The following DOT1L variants were observed in gnomAD, a reference collection of about 807,000 sequenced individuals.
DOT1L encodes the protein DOT1 like histone lysine methyltransferase, also known as histone-lysine N-methyltransferase, H3 lysine-79 specific.
Under a neutral mutation model 153.3 loss-of-function variants are expected in DOT1L, and 33 were observed. The ratio of observed to expected loss-of-function variants is 0.22; its 90% CI spans 0.16 to 0.29. DOT1L has a LOEUF of 0.29. DOT1L is among the 10% of genes least tolerant of loss of function. DOT1L has a pLI of 1.00. For missense variants in DOT1L, 1,847 were observed against 2,119.9 expected (o/e 0.87, Z 2.53); for synonymous variants, 1,135 against 965.1 (o/e 1.18, Z -3.26).
intron 15 of DOT1L, 146 bp from the exon 16 acceptor site, chr19:2,211,604 TG>T: frequency 1.4e-6 from 1 of 691,186 alleles, no homozygotes; most frequent in Non-Finnish European, 2.4e-6. Context: ...GCGTGTGGCA[TG>T]GGCCCCGCCA....
rs1382099350 is a variant in DOT1L, at chr19:2,222,337, C to G, written c.3168C>G (p.Ala1056=). The change falls in exon 24 of 28, where the codon GCC becomes GCG. Residue 1056 remains alanine, a synonymous_variant. Transcript: ENST00000398665. This position sits in a 1 kb window ranked among gnomAD's most constrained non-coding sequence, Gnocchi z 6.5. ...CCATCACCACTGGTGCGGGCAGTGC[C>G]AAGCAGTCGCCCTCCAGCAAGCACA... The part of the protein sequence containing the change: ...VFTITTGAGS[A]KQSPSSKHSP... 3 of 1,612,694 alleles carry G rather than the reference C, an allele frequency of 1.9e-6. No homozygotes were observed. Among genetic ancestry groups the G allele is most frequent in the Non-Finnish European group, 1.7e-6 (2 of 1,179,866 alleles).
At chr19:2,195,322 G>C (rs1383288843) in intron 7 of DOT1L, among the ~76,000 whole-genome samples, 1 of 152,158 alleles carries the variant, frequency 6.6e-6, no homozygotes, top group Non-Finnish European at 1.5e-5. Context: ...TTTCCACACA[G>C]AGGCCTGCAG....
chr19:2,220,426 G>T lies in DOT1L; in HGVS notation c.2806+204G>T. On this transcript the variant is annotated intron_variant, in intron 23 of 27. Transcript: ENST00000398665. The surrounding 1 kb of genome is among the most constrained non-coding windows in gnomAD (Gnocchi z 4.5). Reference sequence around the variant, plus strand: ...GATCGGGCTCAGCTGCAGCCATCTCGGCCTCATACCTGGGTCTCCCGACAC... The same window carrying T: ...GATCGGGCTCAGCTGCAGCCATCTCTGCCTCATACCTGGGTCTCCCGACAC... 1.5e-6 allele frequency: 1 copy of T among 678,316 alleles called. No homozygotes were observed. Among genetic ancestry groups the T allele is most frequent in the Non-Finnish European group, 2.7e-6 (1 of 370,894 alleles). The allele number at this position is 678,316 out of a possible 1,614,324, so 42.0% of individuals were successfully genotyped here. A position where few individuals can be genotyped will look rare whatever the true frequency, so the allele number is the denominator to read the frequency against.
rs1243586395 is a variant in DOT1L at position 2,208,380 on chromosome 19, A to C, written c.964-555A>C. Among the ~76,000 whole-genome samples, 6 of 152,016 alleles carry C rather than the reference A, an allele frequency of 3.9e-5. No individual in the cohort carries two copies. Among genetic ancestry groups the C allele is most frequent in the Admixed American group, 3.9e-4 (6 of 15,262 alleles). On this transcript the variant is annotated intron_variant, in intron 11 of 27. Transcript: ENST00000398665. The surrounding 1 kb of genome is among the most constrained non-coding windows in gnomAD (Gnocchi z 4.4). ...TCACTGTCCAGTGCTCGGAGCCTCC[A>C]CTAGAGCCTGCCTGGGGAGCGCTGG...
At chr19:2,212,016 G>T (rs1599596022) in intron 16 of DOT1L, 174 bp downstream of exon 16, 2 of 609,176 alleles carry the variant, frequency 3.3e-6, no homozygotes, top group Non-Finnish European at 2.8e-6. Context: ...AGAATGGACT[G>T]AGAGACCCGG....
chr19:2,169,109 A>G (rs2020033241), intron 1 of DOT1L, among the ~76,000 whole-genome samples: 1 of 152,012 alleles, frequency 6.6e-6, no homozygotes. Flanking sequence ...ACTCTCATTA[A>G]TGAGTGAGTA....
At chr19:2,205,611 C>T (rs1172539519) in intron 9 of DOT1L, among the ~76,000 whole-genome samples, 1 of 152,186 alleles carries the variant, frequency 6.6e-6, no homozygotes, top group Non-Finnish European at 1.5e-5. Context: ...ATGACTGTTT[C>T]CAGTTTGCAT....
chr19:2,231,700 C>G lies in DOT1L; in HGVS notation c.*1908C>G, dbSNP rs1036994031. ...CAGCCTGCTCTGTGTCGCCACGGGC[C>G]GGATACGCCACAGGGTTGATGGCAG... On this transcript the variant is annotated 3_prime_UTR_variant, in exon 28 of 28. Coordinates refer to ENST00000398665, the MANE Select transcript of DOT1L (RefSeq NM_032482.3). 4.7e-6 allele frequency: 1 copy of G among 213,658 alleles called. No homozygotes were observed. Among genetic ancestry groups the G allele is most frequent in the African/African-American group, 2.3e-5 (1 of 44,058 alleles). The allele number at this position is 213,658 out of a possible 1,614,324, so 13.2% of individuals were successfully genotyped here.
Position 2,222,877 on chromosome 19 carries a change from G to A in DOT1L, c.3390+318G>A. 7.3e-6 allele frequency: 3 copies of A among 409,490 alleles called. No homozygotes were observed. Among genetic ancestry groups the A allele is most frequent in the Non-Finnish European group, 1.3e-5 (3 of 230,406 alleles). The allele number at this position is 409,490 out of a possible 1,614,324, so 25.4% of individuals were successfully genotyped here. Reference sequence around the variant, plus strand: ...GCCACAGAGCGAGACTCCCTCTCGGGGGGACAAAAAAAAACACAAAAAAAA... The same window carrying A: ...GCCACAGAGCGAGACTCCCTCTCGGAGGGACAAAAAAAAACACAAAAAAAA... On this transcript the variant is annotated intron_variant, in intron 24 of 27. Transcript: ENST00000398665. This position sits in a 1 kb window ranked among gnomAD's most constrained non-coding sequence, Gnocchi z 6.5.
chr19:2,179,212 T>C (rs1358804301), intron 1 of DOT1L, among the ~76,000 whole-genome samples: 2 of 152,156 alleles, frequency 1.3e-5, no homozygotes, highest in Non-Finnish European at 2.9e-5. Context: ...ACAGATGGGG[T>C]TGCGTCCCGC....
At chr19:2,223,214 G>A in intron 24 of DOT1L, 67 bp from the exon 25 acceptor site, 1 of 1,565,692 alleles carries the variant, frequency 6.4e-7, no homozygotes, top group Middle Eastern at 1.7e-4. Context: ...CCTGGGGCGG[G>A]GGGGCTCTCC....
At chr19:2,223,691 C>T (rs1049817816) in intron 25 of DOT1L, among the ~76,000 whole-genome samples, 13 of 152,108 alleles carry the variant, frequency 8.5e-5, no homozygotes, top group African/African-American at 2.2e-4. Context: ...CCGGGCCATT[C>T]GGGGTGGGAC....
intron 3 of DOT1L, among the ~76,000 whole-genome samples, chr19:2,188,539 C>T (rs867766925): frequency 7.9e-5 from 10 of 126,544 alleles, no homozygotes; most frequent in East Asian, 2.6e-4. Flanking sequence ...ATGTGGAAGT[C>T]GGATTGTTCT....
intron 19 of DOT1L, chr19:2,214,813 C>T: frequency 3.4e-6 from 2 of 586,656 alleles, no homozygotes; most frequent in South Asian, 4.4e-5. Context: ...TCGGGGGCAT[C>T]TCGGGATTGC....
At chr19:2,218,297 T>G (rs1195754949) in intron 22 of DOT1L, among the ~76,000 whole-genome samples, 1 of 152,246 alleles carries the variant, frequency 6.6e-6, no homozygotes, top group Non-Finnish European at 1.5e-5. Context: ...AATCTCGTCT[T>G]GTGTAGCATG....
rs149704332 is a variant in DOT1L, at chr19:2,193,964, C to T, written c.588+181C>T. 4.4e-4 allele frequency among the ~76,000 whole-genome samples: 67 copies of T among 152,256 alleles called. No individual in the cohort carries two copies. The highest frequency in any genetic ancestry group is 3.4e-3 in the Middle Eastern group (1 of 294). ...TGAATAGGGTGCCCGATCGCCCTCACGGCCCATTACAGGCCGGCCCTCCAG... is the reference window on the plus strand; with the variant it reads ...TGAATAGGGTGCCCGATCGCCCTCATGGCCCATTACAGGCCGGCCCTCCAG... On this transcript the variant is annotated intron_variant, in intron 6 of 27. Coordinates refer to ENST00000398665, the MANE Select transcript of DOT1L (RefSeq NM_032482.3). This position sits in a 1 kb window ranked among gnomAD's most constrained non-coding sequence, Gnocchi z 5.9.
rs779707218 is a variant in DOT1L at position 2,213,997 on chromosome 19, C to T, written c.1797+11C>T. On this transcript the variant is annotated intron_variant, in intron 18 of 27. Transcript: ENST00000398665. ...CAGAGCTTGCAGCTGGTGGGTGCCG[C>T]GGCGCAAGGACAGGGACGTGGAACC... is the stretch of plus-strand genomic sequence containing the variant. The T allele has an allele frequency of 3.0e-5, 49 of 1,611,222 alleles. No individual in the cohort carries two copies. Among genetic ancestry groups the T allele is most frequent in the Middle Eastern group, 1.7e-4 (1 of 6,058 alleles).
chr19:2,216,253 G>A (rs748683246), intron 19 of DOT1L, 28 bp from the exon 20 acceptor site: 7 of 1,538,280 alleles, frequency 4.6e-6, no homozygotes, highest in East Asian at 2.3e-5. Context: ...CCGGTGGGGC[G>A]GGCCTGACAC....
chr19:2,217,008 G>A lies in DOT1L; in HGVS notation c.2462G>A (p.Gly821Asp). 1.2e-6 allele frequency: 2 copies of A among 1,613,150 alleles called. No homozygotes were observed. Among genetic ancestry groups the A allele is most frequent in the Non-Finnish European group, 1.7e-6 (2 of 1,179,902 alleles). The stretch of plus-strand genomic sequence containing the variant: ...CCCTACCAGAGCCCCAGCGTGCCTG[G>A]CAGCATGAAGCTGAGCCCTCAGGAC... Reference protein sequence around the residue: ...GLPYQSPSVPGSMKLSPQDPR... With the variant: ...GLPYQSPSVPDSMKLSPQDPR... The change falls in exon 21 of 28, where the codon GGC becomes GAC. Residue 821 changes from glycine (G) to aspartate (D), a missense_variant. Gly to Asp is a moderately conservative substitution (Grantham distance 94). This residue lies in a region of DOT1L where 281 missense variants were observed against 263.6 expected (regional missense o/e 1.07). Transcript: ENST00000398665. The surrounding 1 kb of genome is among the most constrained non-coding windows in gnomAD (Gnocchi z 7.3).
Sources: gnomAD v4.1 joint callset for allele counts (sites outside exome capture counted in the v4.1 genomes callset) on GRCh38, gnomAD v4.1.1 for gene constraint, gnomAD v4.1.1 regional missense constraint, Gnocchi (gnomAD v3.1) non-coding constraint, MANE v1.5 for transcripts, NCBI Gene and HGNC (gene_info 2026-07-23, HGNC 2026-07-21) for gene names.